The following TMEM150B variants were observed in gnomAD, a reference collection of about 807,000 sequenced individuals.
TMEM150B encodes the protein modulator of macroautophagy TMEM150B.
In TMEM150B, 33 loss-of-function variants were observed where a neutral mutation model predicts 25.2. That is an observed-to-expected ratio of 1.31 (90% confidence interval 0.99 to 1.75). TMEM150B has a LOEUF of 1.75. Ranked by LOEUF, TMEM150B falls within the 40% of genes most tolerant of loss-of-function variation. TMEM150B has a pLI of 0.00. For missense variants in TMEM150B, 322 were observed against 306.1 expected, an observed-to-expected ratio of 1.05 and a Z score of -0.39; for synonymous variants, 133 against 134.8, an observed-to-expected ratio of 0.99 and a Z score of 0.09.
At chr19:55,324,389 C>T (rs1190959985) in intron 1 of TMEM150B, among the ~76,000 whole-genome samples, 1 of 151,780 alleles carries the variant, frequency 6.6e-6, no homozygotes, top group African/African-American at 2.4e-5. Context: ...GTGGCTCACG[C>T]CTGCAATCCC....
chr19:55,320,012 A>G (rs1327382030), intron 6 of TMEM150B, 27 bp downstream of exon 6: 1 of 1,613,946 alleles, frequency 6.2e-7, no homozygotes. Flanking sequence ...CGGCCGGGAC[A>G]GACCCTGGGC....
chr19:55,312,990 G>A lies in TMEM150B; in HGVS notation c.571C>T (p.Leu191=). 6.2e-7 allele frequency: 1 copy of A among 1,613,658 alleles called. No individual in the cohort carries two copies. The highest frequency in any genetic ancestry group is 8.5e-7 in the Non-Finnish European group (1 of 1,179,848). Residue 191 remains leucine (L), a synonymous_variant, in exon 8 of 8, where the codon CTG becomes TTG. Transcript: ENST00000326652. ...SAACEWVVAM[L]LFALFGLLAV... is the part of the protein sequence containing the mutation. Reference sequence around the variant, plus strand: ...AAGAGACCGAAGAGCGCGAACAGCAGCATGGCCACGACCCACTCGCAGGCC... The same window carrying A: ...AAGAGACCGAAGAGCGCGAACAGCAACATGGCCACGACCCACTCGCAGGCC...
chr19:55,320,189 A>G lies in TMEM150B; in HGVS notation c.197-23T>C, dbSNP rs1228378957. 3 of 1,610,926 alleles carry G rather than the reference A, an allele frequency of 1.9e-6. No individual in the cohort carries two copies. In the Admixed American group the frequency reaches 5.0e-5, roughly 27 times the overall value. On this transcript the variant is annotated intron_variant, in intron 5 of 7. Transcript: ENST00000326652. Reference sequence around the variant, plus strand: ...CGGCTGGGAGTAGAGGGGAGAAGGAAGTGGGAGGGAGACCCACCAAGAACT... The same window carrying G: ...CGGCTGGGAGTAGAGGGGAGAAGGAGGTGGGAGGGAGACCCACCAAGAACT...
intron 7 of TMEM150B, among the ~76,000 whole-genome samples, chr19:55,315,643 C>G (rs1440201332): frequency 6.6e-6 from 1 of 152,112 alleles, no homozygotes; most frequent in Admixed American, 6.6e-5. Context: ...CGCCTGTAGT[C>G]CCAGCTACTC....
chr19:55,317,025 A>G (rs963810217), intron 6 of TMEM150B, 59 bp from the exon 7 acceptor site: 3 of 1,513,958 alleles, frequency 2.0e-6, no homozygotes, highest in African/African-American at 2.8e-5. Flanking sequence ...AAGGGGCACC[A>G]GAGGGGCCAG....
chr19:55,311,831 G>A (rs972101618), downstream of TMEM150B: 4 of 1,465,980 alleles, frequency 2.7e-6, no homozygotes, highest in Middle Eastern at 1.8e-4. Context: ...CTGATGAGGA[G>A]ACTCTGCCCC....
chr19:55,313,470 T>C (rs2088881789), intron 7 of TMEM150B, among the ~76,000 whole-genome samples: 1 of 152,120 alleles, frequency 6.6e-6, no homozygotes, highest in African/African-American at 2.4e-5. Flanking sequence ...AACTTTCTCC[T>C]GAACATCCAC....
At chr19:55,319,835 C>A (rs1020432373) in intron 6 of TMEM150B, 3 of 1,409,750 alleles carry the variant, frequency 2.1e-6, no homozygotes, top group African/African-American at 2.9e-5. Context: ...GTCCTACATA[C>A]AAACAGCCTC....
intron 7 of TMEM150B, among the ~76,000 whole-genome samples, chr19:55,315,277 C>G (rs2088957638): frequency 6.6e-6 from 1 of 151,904 alleles, no homozygotes; most frequent in African/African-American, 2.4e-5. Flanking sequence ...GATCATGCCA[C>G]TGCACTCCAC....
rs763420092 is a variant in TMEM150B at position 55,320,994 on chromosome 19, A to G, written c.43T>C (p.Trp15Arg). The G allele has an allele frequency of 1.4e-5, 23 of 1,613,978 alleles. No homozygotes were observed. In the South Asian group the frequency reaches 1.5e-4, roughly 11 times the overall value. Residue 15 changes from tryptophan (W) to arginine (R), a missense_variant, in exon 3 of 8, where the codon TGG becomes CGG. By Grantham distance (101) the Trp-to-Arg change is moderately radical (BLOSUM62 -3). Transcript: ENST00000326652. Reference sequence around the variant, plus strand: ...ACGATCCAGACGCCAGAGATAGCCCAGACAGCTAGGAAGACAGGCATCAGC... The same window carrying G: ...ACGATCCAGACGCCAGAGATAGCCCGGACAGCTAGGAAGACAGGCATCAGC... The part of the protein sequence containing the change: ...LSLMPVFLAV[W>R]AISGVWIVFA...
In TMEM150B at chr19:55,322,757, G is replaced by A. The variant is rs2089239748; in HGVS notation, c.-153-14C>T. Reference sequence around the variant, plus strand: ...CAGGCAGACATCCTGCAGAGGCAAAGTCCAGGCTGCAGGACTGCCTGGGTC... The same window carrying A: ...CAGGCAGACATCCTGCAGAGGCAAAATCCAGGCTGCAGGACTGCCTGGGTC... On this transcript the variant is annotated splice_polypyrimidine_tract_variant and intron_variant, in intron 1 of 7. Transcript: ENST00000326652. 1 of 984,658 alleles carries A rather than the reference G, an allele frequency of 1.0e-6. No homozygotes were observed. 61.0% of individuals were successfully genotyped at this position (984,658 alleles called of 1,614,324 possible).
chr19:55,312,803 T>G lies in TMEM150B; in HGVS notation c.*56A>C. The G allele has an allele frequency of 3.3e-6, 5 of 1,496,464 alleles. No homozygotes were observed. In the South Asian group the frequency reaches 6.4e-5, roughly 19 times the overall value. The allele number at this position is 1,496,464 out of a possible 1,614,324, so 92.7% of individuals were successfully genotyped here. A position where few individuals can be genotyped will look rare whatever the true frequency, so the allele number is the denominator to read the frequency against. On this transcript the variant is annotated 3_prime_UTR_variant, in exon 8 of 8. Coordinates refer to ENST00000326652, the MANE Select transcript of TMEM150B (RefSeq NM_001282011.2). ...TCTTGCTGGGTGCGGGGCACTGGGA[T>G]TGGCCCCATCTTTCCTGCTTCACTG...
downstream of TMEM150B, among the ~76,000 whole-genome samples, chr19:55,309,642 G>T (rs565480700): frequency 2.0e-5 from 3 of 152,248 alleles, no homozygotes; most frequent in East Asian, 5.8e-4. Context: ...ATTCATGAAG[G>T]CCCCACCCTC....
intron 1 of TMEM150B, among the ~76,000 whole-genome samples, chr19:55,323,649 G>A (rs2089261469): frequency 2.7e-5 from 4 of 148,352 alleles, no homozygotes; most frequent in South Asian, 2.1e-4. Flanking sequence ...ATTACAGGCC[G>A]GTGCCACCAT....
downstream of TMEM150B, chr19:55,312,089 AG>A: frequency 7.6e-7 from 1 of 1,320,258 alleles, no homozygotes; most frequent in Non-Finnish European, 9.9e-7. Context: ...CCGGGGAGGG[AG>A]GGGACCCCCC....
chr19:55,320,107 G>GCC lies in TMEM150B; in HGVS notation c.254_255dup (p.Pro86GlyfsTer5), dbSNP rs1221616447. On this transcript the variant is annotated frameshift_variant, in exon 6 of 8. Transcript: ENST00000326652. LOFTEE classifies it high-confidence loss of function. Reference sequence around the variant, plus strand: ...CCCGTCCATAGGATCAGCTGGTTAGGCCACCTTCTGACGCCCCAGTCCCGG... The same window carrying GCC: ...CCCGTCCATAGGATCAGCTGGTTAGGCCCCACCTTCTGACGCCCCAGTCCCGG... 6.2e-7 allele frequency: 1 copy of GCC among 1,614,072 alleles called. No individual in the cohort carries two copies.
chr19:55,321,563 T>C (rs780618999), intron 2 of TMEM150B, among the ~76,000 whole-genome samples: 73 of 152,168 alleles, frequency 4.8e-4, no homozygotes, highest in South Asian at 2.1e-3. Flanking sequence ...CAAACCGCCA[T>C]GTCCTCCCTC....
At position 55,312,830 on chromosome 19, in the gene TMEM150B, T is replaced by G; in HGVS notation, c.*29A>C. ...GGCCCCATCTTTCCTGCTTCACTGG[T>G]GAGGGCAAGGCCCGGGTCAGGGTGC... On this transcript the variant is annotated 3_prime_UTR_variant, in exon 8 of 8. Coordinates refer to ENST00000326652, the MANE Select transcript of TMEM150B (RefSeq NM_001282011.2). 1.3e-6 allele frequency: 2 copies of G among 1,548,624 alleles called. No homozygotes were observed. Among genetic ancestry groups the G allele is most frequent in the Non-Finnish European group, 1.7e-6 (2 of 1,146,622 alleles).
chr19:55,324,880 G>C (rs1186512627), intron 1 of TMEM150B: 1 of 985,332 alleles, frequency 1.0e-6, no homozygotes, highest in Admixed American at 6.2e-5. Flanking sequence ...GGGCAACACA[G>C]ATGATCAGCA....
Sources: allele counts gnomAD v4.1 joint callset (sites outside exome capture counted in the v4.1 genomes callset), GRCh38; gene constraint gnomAD v4.1.1; transcripts MANE v1.5; gene names NCBI Gene and HGNC (gene_info 2026-07-23, HGNC 2026-07-21).